DPAGT1: variants seen among roughly 807,000 people sequenced by gnomAD.
DPAGT1 encodes the protein UDP-N-acetylglucosamine--dolichyl-phosphate N-acetylglucosaminephosphotransferase.
A neutral mutation model predicts 39.3 loss-of-function variants in DPAGT1; 25 were observed. The ratio of observed to expected loss-of-function variants is 0.64; its 90% confidence interval spans 0.46 to 0.89. The LOEUF (loss-of-function observed/expected upper bound fraction) is 0.89. Among genes scored for constraint, DPAGT1 ranks in the 40% least tolerant of loss-of-function variants. The pLI is 0.00. For synonymous variants in DPAGT1, 193 were observed against 201.4 expected (o/e 0.96, Z 0.36); for missense variants, 381 against 500.6 (o/e 0.76, Z 2.28).
chr11:119,095,441 A>C (rs1312618318), downstream of DPAGT1: 2 of 1,453,912 alleles, frequency 1.4e-6, no homozygotes, highest in Non-Finnish European at 1.8e-6. Context: ...ACACTAGAAC[A>C]GACGCCCGCC....
Position 119,098,439 on chromosome 11 carries a change from A to C in DPAGT1, c.692T>G (p.Phe231Cys). The C allele has an allele frequency of 1.2e-6, 2 of 1,614,186 alleles. No homozygotes were observed. Among genetic ancestry groups the C allele is most frequent in the Non-Finnish European group, 1.7e-6 (2 of 1,180,006 alleles). Residue 231 changes from phenylalanine to cysteine, a missense_variant, in exon 5 of 9, where the codon TTT becomes TGT. Transcript: ENST00000354202. ...HVFSLYFMIP[F>C]FFTTLGLLYH... ...GAGCAATCCCAAAGTGGTGAAAAAA[A>C]AGGGTATCATGAAGTAGAGGGAAAA... is the stretch of plus-strand genomic sequence containing the variant.
intron 1 of DPAGT1, 117 bp downstream of exon 1, chr11:119,101,378 C>T: frequency 6.3e-7 from 1 of 1,583,266 alleles, no homozygotes; most frequent in South Asian, 1.1e-5. Flanking sequence ...GAGTTCCAGG[C>T]TGCCTGGGTT....
downstream of DPAGT1, chr11:119,095,136 C>T: frequency 6.2e-7 from 1 of 1,614,026 alleles, no homozygotes; most frequent in Non-Finnish European, 8.5e-7. Flanking sequence ...TTGCGGATGG[C>T]CAGCTGCAGG....
rs1371633813 is a variant in DPAGT1, at chr11:119,096,929, C to A, written c.*69G>T. On this transcript the variant is annotated 3_prime_UTR_variant, in exon 9 of 9. Coordinates refer to ENST00000354202, the MANE Select transcript of DPAGT1 (RefSeq NM_001382.4). ...GCCTGGGCAAGGAGGCAGTCTGGGA[C>A]CAGAGAGAGAGGTCAGCCTGAGTCA... is the stretch of plus-strand genomic sequence containing the variant. 2 of 1,570,868 alleles carry A rather than the reference C, an allele frequency of 1.3e-6. No individual in the cohort carries two copies. The highest frequency in any genetic ancestry group is 2.7e-5 in the African/African-American group (2 of 74,076).
intron 5 of DPAGT1, 56 bp from the exon 6 acceptor site, chr11:119,098,099 C>T: frequency 6.2e-7 from 1 of 1,606,866 alleles, no homozygotes; most frequent in Admixed American, 1.7e-5. Flanking sequence ...AATCCCTTCT[C>T]TCACATCACA....
chr11:119,101,762 C>G lies in DPAGT1; in HGVS notation c.-107G>C. On this transcript the variant is annotated 5_prime_UTR_variant, in exon 1 of 9. Transcript: ENST00000354202. ...GGAGTGGCCGCTCCCCACAGGCAGGCTCTTCCCACACCAATCTGAGCAAAA... is the reference window on the plus strand; with the variant it reads ...GGAGTGGCCGCTCCCCACAGGCAGGGTCTTCCCACACCAATCTGAGCAAAA... 6.3e-7 allele frequency: 1 copy of G among 1,581,412 alleles called. No individual in the cohort carries two copies. Among genetic ancestry groups the G allele is most frequent in the Non-Finnish European group, 8.6e-7 (1 of 1,165,472 alleles).
downstream of DPAGT1, chr11:119,094,882 C>G: frequency 7.2e-7 from 1 of 1,380,542 alleles, no homozygotes; most frequent in African/African-American, 1.5e-5. Context: ...TCAGCTCTTT[C>G]CATGAGGGCG....
At chr11:119,099,478 C>T (rs1269076373) in intron 4 of DPAGT1, among the ~76,000 whole-genome samples, 2 of 149,438 alleles carry the variant, frequency 1.3e-5, no homozygotes, top group Non-Finnish European at 3.0e-5. Flanking sequence ...TATGATCAAG[C>T]ATTTTAATGT....
At chr11:119,095,502 C>G, downstream of DPAGT1, 1 of 1,175,488 alleles carries the variant, frequency 8.5e-7, no homozygotes, top group Non-Finnish European at 1.2e-6. Context: ...TTATAAGCCC[C>G]CAGGACACAC....
rs1242139448 is a variant in DPAGT1 at position 119,100,170 on chromosome 11, A to C, written c.643+92T>G. On this transcript the variant is annotated intron_variant, in intron 4 of 8. Coordinates refer to ENST00000354202, the MANE Select transcript of DPAGT1 (RefSeq NM_001382.4). ...CTTATCTTCTATAATTACTATGCAT[A>C]TTGCTTTTTTCCCCTGAATTTCCCA... 12 of 1,579,646 alleles carry C rather than the reference A, an allele frequency of 7.6e-6. No homozygotes were observed. In the Admixed American group the frequency reaches 1.8e-4, roughly 24 times the overall value.
At chr11:119,100,561 G>T in intron 3 of DPAGT1, 69 bp downstream of exon 3, 3 of 1,602,530 alleles carry the variant, frequency 1.9e-6, no homozygotes, top group South Asian at 2.2e-5. Context: ...ACTTGGAGGA[G>T]AATGTGGAGC....
chr11:119,100,558 G>A (rs951077823), intron 3 of DPAGT1, 72 bp downstream of exon 3: 20 of 1,601,288 alleles, frequency 1.2e-5, no homozygotes, highest in Admixed American at 1.7e-5. Context: ...AACACTTGGA[G>A]GAGAATGTGG....
chr11:119,095,317 G>A (rs1946372210), downstream of DPAGT1: 1 of 1,607,368 alleles, frequency 6.2e-7, no homozygotes, highest in African/African-American at 1.3e-5. Context: ...GGCCCACTGG[G>A]AACTGGAGGC....
chr11:119,095,464 CT>C, downstream of DPAGT1: 3 of 1,442,216 alleles, frequency 2.1e-6, no homozygotes, highest in Non-Finnish European at 1.8e-6. Context: ...AGTGTAACTG[CT>C]GTCGCGCGCG....
downstream of DPAGT1, chr11:119,095,298 G>T (rs1364679785): frequency 6.2e-7 from 1 of 1,612,148 alleles, no homozygotes; most frequent in African/African-American, 1.3e-5. Context: ...CGCAGCAGCC[G>T]GTGTACACGG....
rs763240506 is a variant in DPAGT1, at chr11:119,100,262, C to G, written c.643G>C (p.Gly215Arg). The change falls in exon 4 of 9, where the codon GGT (glycine) becomes CGT (arginine). Residue 215 changes from glycine (G) to arginine (R), a missense_variant and splice_region_variant. By Grantham distance (125) the Gly-to-Arg change is moderately radical (BLOSUM62 -2). Coordinates refer to ENST00000354202, the MANE Select transcript of DPAGT1 (RefSeq NM_001382.4). ...IIVFNLVELE[G>R]DCRDDHVFSL... ...TCTCCCCACCCCCAATCCCACCTACCTTCCAACTCTACCAGGTTGAAGACA... is the reference window on the plus strand; with the variant it reads ...TCTCCCCACCCCCAATCCCACCTACGTTCCAACTCTACCAGGTTGAAGACA... 1 of 1,614,174 alleles carries G rather than the reference C, an allele frequency of 6.2e-7. No homozygotes were observed. Among genetic ancestry groups the G allele is most frequent in the Non-Finnish European group, 8.5e-7 (1 of 1,180,036 alleles).
At chr11:119,099,780 CAAAAAAA>C (rs57486910) in intron 4 of DPAGT1, among the ~76,000 whole-genome samples, 172 of 75,786 alleles carry the variant, frequency 2.3e-3, no homozygotes, top group Middle Eastern at 6.6e-3. Context: ...GACCCTGTCT[CAAAAAAA>C]AAAAAAAAAA....
Position 119,097,482 on chromosome 11 carries a change from C to G in DPAGT1, c.987G>C (p.Leu329Phe), listed in dbSNP as rs1042544648. The G allele has an allele frequency of 3.1e-6, 5 of 1,614,130 alleles. No individual in the cohort carries two copies. The highest frequency in any genetic ancestry group is 3.4e-6 in the Non-Finnish European group (4 of 1,180,022). Residue 329 changes from leucine (L) to phenylalanine (F), a missense_variant, in exon 7 of 9, where the codon TTG becomes TTC. Physicochemically the swap from Leu to Phe is conservative, Grantham distance 22. Transcript: ENST00000354202. The surrounding 1 kb of genome is among the most constrained non-coding windows in gnomAD (Gnocchi z 4.6). ...SKFKTKSLSF[L>F]GTFILKVAES... ...CTGTTACCTTTAAAATAAAGGTGCC[C>G]AAGAAAGAGAGGCTCTTGGTCTTGA...
rs755527720 is a variant in DPAGT1, at chr11:119,097,493, G to A, written c.976C>T (p.Leu326Phe). 9 of 1,614,198 alleles carry A rather than the reference G, an allele frequency of 5.6e-6. No individual in the cohort carries two copies. In the East Asian group the frequency reaches 1.3e-4, roughly 24 times the overall value. Residue 326 changes from leucine (L) to phenylalanine (F), a missense_variant, in exon 7 of 9, where the codon CTC becomes TTC. By Grantham distance (22) the Leu-to-Phe change is conservative (BLOSUM62 0). Coordinates refer to ENST00000354202, the MANE Select transcript of DPAGT1 (RefSeq NM_001382.4). This position sits in a 1 kb window ranked among gnomAD's most constrained non-coding sequence, Gnocchi z 4.6. ...AAAATAAAGGTGCCCAAGAAAGAGAGGCTCTTGGTCTTGAACTTGGAATAG... is the reference window on the plus strand; with the variant it reads ...AAAATAAAGGTGCCCAAGAAAGAGAAGCTCTTGGTCTTGAACTTGGAATAG... ...MSYSKFKTKS[L>F]SFLGTFILKV...
Sources: gnomAD v4.1 joint callset for allele counts (sites outside exome capture counted in the v4.1 genomes callset) on GRCh38, gnomAD v4.1.1 for gene constraint, Gnocchi (gnomAD v3.1) non-coding constraint, MANE v1.5 for transcripts, NCBI Gene and HGNC (gene_info 2026-07-23, HGNC 2026-07-21) for gene names.